STARD13: variants seen among roughly 807,000 people sequenced by gnomAD.
The protein encoded by STARD13 is stAR-related lipid transfer protein 13.
Under a neutral mutation model 106.4 loss-of-function variants are expected in STARD13, and 62 were observed. The observed-to-expected ratio is 0.58, with a 90% CI of 0.48 to 0.72. STARD13 has a LOEUF of 0.72. STARD13 is among the 30% of genes least tolerant of loss of function. The pLI, the probability that STARD13 is intolerant of heterozygous loss-of-function variation, is 0.00. For synonymous variants in STARD13, 565 were observed against 553.0 expected, an observed-to-expected ratio of 1.02 and a Z score of -0.31; for missense variants, 1,387 against 1,424.0, an observed-to-expected ratio of 0.97 and a Z score of 0.42.
the STARD13 span, among the ~76,000 whole-genome samples, chr13:33,368,243 G>A: frequency 6.6e-6 from 1 of 152,176 alleles, no homozygotes; most frequent in Admixed American, 6.5e-5. Context: ...CCCAGTGCCT[G>A]TAACATAGAA....
the STARD13 span, among the ~76,000 whole-genome samples, chr13:33,526,171 G>A: frequency 6.6e-6 from 1 of 151,404 alleles, no homozygotes; most frequent in African/African-American, 2.4e-5. Flanking sequence ...GGCAATAATT[G>A]TCACAATTAT....
chr13:33,507,976 G>A, the STARD13 span, among the ~76,000 whole-genome samples: 1 of 152,134 alleles, frequency 6.6e-6, no homozygotes, highest in Non-Finnish European at 1.5e-5. Context: ...AAATCCACAC[G>A]TAAGTGGGCC....
chr13:33,673,740 G>A, the STARD13 span, among the ~76,000 whole-genome samples: 191 of 151,468 alleles, frequency 1.3e-3, no homozygotes, highest in African/African-American at 4.4e-3. Flanking sequence ...ACAGGGTTTT[G>A]CCATGTTAGC....
At chr13:33,116,659 C>T (rs2138093339) in intron 8 of STARD13, among the ~76,000 whole-genome samples, 1 of 152,336 alleles carries the variant, frequency 6.6e-6, no homozygotes, top group East Asian at 1.9e-4. Flanking sequence ...ATGTAAAAGA[C>T]TCATATCTGA....
At chr13:33,126,466 T>A (rs1313384517) in intron 6 of STARD13, among the ~76,000 whole-genome samples, 7 of 152,238 alleles carry the variant, frequency 4.6e-5, no homozygotes, top group Admixed American at 3.9e-4. Context: ...GTTCCCAGAA[T>A]GTATTTGTAG....
chr13:33,457,282 G>T, the STARD13 span, among the ~76,000 whole-genome samples: 222 of 152,292 alleles, frequency 1.5e-3, no homozygotes, highest in South Asian at 2.3e-3. Flanking sequence ...TTTATTTGTT[G>T]TTTGATGGCT....
chr13:33,338,744 C>T (rs7984005), intron 1 of STARD13, among the ~76,000 whole-genome samples: 2 of 151,718 alleles, frequency 1.3e-5, no homozygotes, highest in African/African-American at 2.4e-5. Context: ...ATTAGCCAGG[C>T]GTGGTGGCAT....
the STARD13 span, among the ~76,000 whole-genome samples, chr13:33,647,090 GT>G: frequency 6.6e-6 from 1 of 152,048 alleles, no homozygotes; most frequent in East Asian, 1.9e-4. Flanking sequence ...AACTTAAAAT[GT>G]TTTTGCATTT....
intron 3 of STARD13, among the ~76,000 whole-genome samples, chr13:33,156,364 A>G (rs1336761307): frequency 1.3e-5 from 2 of 152,174 alleles, no homozygotes. Flanking sequence ...TAAATCTGCT[A>G]CATTTTCACT....
the STARD13 span, among the ~76,000 whole-genome samples, chr13:33,639,282 T>C: frequency 3.9e-5 from 6 of 152,174 alleles, no homozygotes; most frequent in Non-Finnish European, 7.4e-5. Context: ...ATGGGAATAC[T>C]TGTACCAAGG....
the STARD13 span, among the ~76,000 whole-genome samples, chr13:33,507,253 A>C: frequency 5.3e-5 from 8 of 152,194 alleles, no homozygotes; most frequent in Non-Finnish European, 2.9e-5. Flanking sequence ...AAATTTGCAA[A>C]AGTGTAAAAA....
At chr13:33,290,397 C>T (rs1892247885), upstream of STARD13, among the ~76,000 whole-genome samples, 1 of 152,196 alleles carries the variant, frequency 6.6e-6, no homozygotes, top group Admixed American at 6.5e-5. Flanking sequence ...AGGATTTTCA[C>T]CGATTGATTT....
chr13:33,530,313 T>A, the STARD13 span, among the ~76,000 whole-genome samples: 38 of 152,108 alleles, frequency 2.5e-4, no homozygotes, highest in Admixed American at 1.4e-3. Flanking sequence ...CCCATACCAA[T>A]TGCAATTCTC....
chr13:33,505,299 G>C, the STARD13 span, among the ~76,000 whole-genome samples: 1 of 151,978 alleles, frequency 6.6e-6, no homozygotes, highest in African/African-American at 2.4e-5. Context: ...GTTGGTAATT[G>C]GTATGGCTGG....
the STARD13 span, among the ~76,000 whole-genome samples, chr13:33,663,598 G>T: frequency 1.3e-5 from 2 of 152,124 alleles, no homozygotes; most frequent in African/African-American, 2.4e-5. Flanking sequence ...AGTAGGAAAA[G>T]AATTACAAAG....
intron 1 of STARD13, among the ~76,000 whole-genome samples, chr13:33,226,638 T>C (rs112366287): frequency 0.21 from 31,902 of 151,924 alleles, 3,701 homozygotes; most frequent in South Asian, 0.31. Flanking sequence ...TTTCACCATG[T>C]TGGCCAGGCT....
At chr13:33,323,574 C>T (rs922742802) in intron 1 of STARD13, among the ~76,000 whole-genome samples, 1 of 152,214 alleles carries the variant, frequency 6.6e-6, no homozygotes, top group Non-Finnish European at 1.5e-5. Flanking sequence ...AAAAAAGACA[C>T]TCAATGTAAC....
At chr13:33,559,626 C>T in the STARD13 span, among the ~76,000 whole-genome samples, 3 of 151,342 alleles carry the variant, frequency 2.0e-5, no homozygotes, top group African/African-American at 4.9e-5. Flanking sequence ...GAGGCCGAGG[C>T]GGGCAGATCA....
chr13:33,119,519 C>A (rs1239294861), intron 7 of STARD13, among the ~76,000 whole-genome samples: 1 of 152,182 alleles, frequency 6.6e-6, no homozygotes, highest in Non-Finnish European at 1.5e-5. Context: ...CTGATTGCTG[C>A]AACAAATGGA....
Sources: gnomAD v4.1 joint callset for allele counts (sites outside exome capture counted in the v4.1 genomes callset) on GRCh38, gnomAD v4.1.1 for gene constraint, MANE v1.5 for transcripts, NCBI Gene and HGNC (gene_info 2026-07-23, HGNC 2026-07-21) for gene names.